The following PPIL2 variants were observed in gnomAD, a reference collection of about 807,000 sequenced individuals.
The protein encoded by PPIL2 is RING-type E3 ubiquitin-protein ligase PPIL2.
Under a neutral mutation model 75.2 loss-of-function variants are expected in PPIL2, and 50 were observed. The observed-to-expected ratio is 0.66, with a 90% confidence interval of 0.53 to 0.84. The LOEUF (loss-of-function observed/expected upper bound fraction) is 0.84. Among genes scored for constraint, PPIL2 ranks in the 40% least tolerant of loss-of-function variants. The pLI is 0.00. For synonymous variants in PPIL2, 245 were observed against 258.8 expected (o/e 0.95, Z 0.51); for missense variants, 590 against 685.0 (o/e 0.86, Z 1.55).
At chr22:21,697,936 G>C (rs1040872943), downstream of PPIL2, 1 of 152,302 alleles carries the variant, frequency 6.6e-6, no homozygotes, top group African/African-American at 2.4e-5. Flanking sequence ...ATATCTGACA[G>C]ATGCCATCAA....
At position 21,686,969 on chromosome 22, in the gene PPIL2, GACCTCA is replaced by G. The variant is rs1460202076; in HGVS notation, c.873_878del (p.Asn292_Leu293del). 1 of 1,612,662 alleles carries G rather than the reference GACCTCA, an allele frequency of 6.2e-7. No individual in the cohort carries two copies. Among genetic ancestry groups the G allele is most frequent in the African/African-American group, 1.3e-5 (1 of 74,564 alleles). ...CGTGCGGCTGCACACCAACAAGGGC[GACCTCA>G]ACCTGGAGCTGCACTGCGACCTGGT... On this transcript the variant is annotated inframe_deletion, in exon 12 of 20. Coordinates refer to ENST00000398831, the MANE Select transcript of PPIL2 (RefSeq NM_014337.4).
At chr22:21,677,516 G>C (rs150891647) in intron 6 of PPIL2, among the ~76,000 whole-genome samples, 2 of 152,096 alleles carry the variant, frequency 1.3e-5, no homozygotes, top group East Asian at 3.9e-4. Context: ...CCAACACAGC[G>C]AAACCCCGTC....
At chr22:21,687,476 C>G (rs2067418328) in intron 12 of PPIL2, among the ~76,000 whole-genome samples, 167 bp from the exon 13 acceptor site, 1 of 146,594 alleles carries the variant, frequency 6.8e-6, no homozygotes, top group Non-Finnish European at 1.5e-5. Flanking sequence ...TGTCTTGAAC[C>G]TAGGAGGCGG....
At chr22:21,692,356 G>A (rs111849349) in intron 15 of PPIL2, among the ~76,000 whole-genome samples, 8,660 of 150,926 alleles carry the variant, frequency 0.057, 312 homozygotes, top group Non-Finnish European at 0.078. Flanking sequence ...GGGTTTCACC[G>A]TGTTAGCGAG....
In PPIL2 at chr22:21,688,786, C is replaced by T. The variant is rs1484190629; in HGVS notation, c.1076C>T (p.Ser359Leu). Reference protein sequence around the residue: ...PFKDEFRPNLSHTGRGILSMA... With the variant: ...PFKDEFRPNLLHTGRGILSMA... ...AAAGACGAGTTCCGGCCCAACCTCT[C>T]GCACACGGGCCGCGGCATCCTCAGC... The change falls in exon 15 of 20, where the codon TCG becomes TTG. Residue 359 changes from serine (S) to leucine (L), a missense_variant. Coordinates refer to ENST00000398831, the MANE Select transcript of PPIL2 (RefSeq NM_014337.4). 9 of 1,614,102 alleles carry T rather than the reference C, an allele frequency of 5.6e-6. No individual in the cohort carries two copies. The highest frequency in any genetic ancestry group is 5.0e-5 in the Admixed American group (3 of 60,014).
intron 6 of PPIL2, among the ~76,000 whole-genome samples, chr22:21,677,470 A>G (rs2066922176): frequency 6.6e-6 from 1 of 152,244 alleles, no homozygotes. Flanking sequence ...CGAGGCTGGC[A>G]GGTCACTCGC....
At chr22:21,677,668 G>T (rs2066933581) in intron 6 of PPIL2, among the ~76,000 whole-genome samples, 1 of 151,792 alleles carries the variant, frequency 6.6e-6, no homozygotes. Flanking sequence ...CTTTGGCTCG[G>T]CATCAGAGGG....
At chr22:21,671,191 C>A in intron 4 of PPIL2, 132 bp downstream of exon 4, 1 of 890,938 alleles carries the variant, frequency 1.1e-6, no homozygotes. Context: ...GGGGACATGG[C>A]AGCAATGCTG....
In PPIL2 at chr22:21,696,329, TG is replaced by T. The variant is rs2067929196; in HGVS notation, c.*842del. 8.3e-6 allele frequency: 9 copies of T among 1,088,336 alleles called. No individual in the cohort carries two copies. Among genetic ancestry groups the T allele is most frequent in the Non-Finnish European group, 1.0e-5 (9 of 891,996 alleles). 67.4% of individuals were successfully genotyped at this position (1,088,336 alleles called of 1,614,324 possible). On this transcript the variant is annotated 3_prime_UTR_variant, in exon 20 of 20. Coordinates refer to ENST00000398831, the MANE Select transcript of PPIL2 (RefSeq NM_014337.4). The stretch of plus-strand genomic sequence containing the variant: ...GTGAGAATCTTGAGGGGACCCACAC[TG>T]GGTTGAGGCCAGTGTCTCCTGCTGT...
At chr22:21,668,174 C>CT (rs1427767287) in intron 1 of PPIL2, among the ~76,000 whole-genome samples, 1 of 151,992 alleles carries the variant, frequency 6.6e-6, no homozygotes, top group African/African-American at 2.4e-5. Context: ...CTAAGTCCCC[C>CT]CACTGGCTAA....
intron 10 of PPIL2, among the ~76,000 whole-genome samples, chr22:21,685,899 G>T (rs1327147662): frequency 6.6e-6 from 1 of 152,112 alleles, no homozygotes; most frequent in Non-Finnish European, 1.5e-5. Context: ...GCCAGGCGTG[G>T]TGGCTCACAC....
intron 9 of PPIL2, among the ~76,000 whole-genome samples, chr22:21,684,288 T>TAAGACCATCCTGGCTAACATG (rs2067248703): frequency 3.0e-5 from 1 of 33,000 alleles, no homozygotes; most frequent in African/African-American, 1.8e-4. Context: ...GTTACAAGAT[T>TAAGACCATCCTGGCTAACATG]GTAACACAAA....
chr22:21,683,353 G>A (rs1054280727), intron 9 of PPIL2, 96 bp downstream of exon 9: 24 of 1,106,330 alleles, frequency 2.2e-5, no homozygotes, highest in Non-Finnish European at 3.1e-5. Flanking sequence ...TGGAGGTCAG[G>A]GGGTCCCAGC....
Position 21,696,247 on chromosome 22 carries a change from T to C in PPIL2, c.*757T>C, listed in dbSNP as rs1249778540. 9.8e-7 allele frequency: 1 copy of C among 1,020,396 alleles called. No homozygotes were observed. Among genetic ancestry groups the C allele is most frequent in the East Asian group, 9.2e-5 (1 of 10,848 alleles). 63.2% of individuals were successfully genotyped at this position (1,020,396 alleles called of 1,614,324 possible). A position where few individuals can be genotyped will look rare whatever the true frequency, so the allele number is the denominator to read the frequency against. On this transcript the variant is annotated 3_prime_UTR_variant, in exon 20 of 20. Transcript: ENST00000398831. ...AGCTCTCAGGGCCCTGCTCACCTGC[T>C]CTGGCTGTGAACCACCTGGGCTTCA... is the stretch of plus-strand genomic sequence containing the variant.
chr22:21,699,534 T>G (rs981207865), downstream of PPIL2: 2 of 152,464 alleles, frequency 1.3e-5, no homozygotes, highest in Admixed American at 6.5e-5. Flanking sequence ...CTTAGGAGAT[T>G]GCACAGGCCC....
intron 6 of PPIL2, among the ~76,000 whole-genome samples, chr22:21,676,867 GTTGGGTACA>G: frequency 6.6e-6 from 1 of 152,240 alleles, no homozygotes; most frequent in Non-Finnish European, 1.5e-5. Context: ...TCAATGAGCT[GTTGGGTACA>G]CCTCCCAGAT....
chr22:21,677,381 C>T (rs563862036), intron 6 of PPIL2, among the ~76,000 whole-genome samples: 2 of 152,290 alleles, frequency 1.3e-5, no homozygotes, highest in South Asian at 2.1e-4. Flanking sequence ...GCCGAGATCA[C>T]GCCACTGCAC....
chr22:21,668,131 G>A (rs1040313291), intron 1 of PPIL2, among the ~76,000 whole-genome samples: 1 of 149,578 alleles, frequency 6.7e-6, no homozygotes, highest in Non-Finnish European at 1.5e-5. Context: ...CAGCTCTTGA[G>A]CCTGCTCCTC....
At chr22:21,677,742 G>A (rs2066938898) in intron 6 of PPIL2, among the ~76,000 whole-genome samples, 1 of 152,198 alleles carries the variant, frequency 6.6e-6, no homozygotes, top group Admixed American at 6.5e-5. Context: ...TTGAGTGCCT[G>A]CCATGTGCAG....
Sources: gnomAD v4.1 joint callset for allele counts (sites outside exome capture counted in the v4.1 genomes callset) on GRCh38, gnomAD v4.1.1 for gene constraint, MANE v1.5 for transcripts, NCBI Gene and HGNC (gene_info 2026-07-23, HGNC 2026-07-21) for gene names.